The following KCNC2 variants were observed in gnomAD, a reference collection of about 807,000 sequenced individuals.
KCNC2 encodes the protein potassium voltage-gated channel subfamily C member 2.
Under a neutral mutation model 44.5 loss-of-function variants are expected in KCNC2, and 21 were observed. That is an observed-to-expected ratio of 0.47 (90% CI 0.33 to 0.68). KCNC2 has a LOEUF of 0.68. Ranked by LOEUF, KCNC2 falls within the 30% of genes least tolerant of loss-of-function variation. The probability of loss-of-function intolerance (pLI) is 0.01; values close to 1 mark genes in which losing one functional copy is unlikely to be tolerated. For missense variants in KCNC2, 589 were observed against 826.2 expected (o/e 0.71, Z 3.52); for synonymous variants, 391 against 339.1 (o/e 1.15, Z -1.68).
At chr12:75,108,819 G>C (rs80228348) in intron 2 of KCNC2, among the ~76,000 whole-genome samples, 25,195 of 152,136 alleles carry the variant, frequency 0.17, 2,179 homozygotes, top group Middle Eastern at 0.24. Flanking sequence ...GGGCAGTTCA[G>C]CTGAGATTCA....
intron 2 of KCNC2, among the ~76,000 whole-genome samples, chr12:75,157,360 C>T (rs1890833472): frequency 6.6e-6 from 1 of 151,838 alleles, no homozygotes; most frequent in Non-Finnish European, 1.5e-5. Flanking sequence ...CTAAAAGAAT[C>T]ACAGAAACCT....
intron 2 of KCNC2, among the ~76,000 whole-genome samples, chr12:75,172,710 CT>C (rs1301927763): frequency 6.6e-6 from 1 of 151,784 alleles, no homozygotes; most frequent in East Asian, 1.9e-4. Flanking sequence ...AAGAGCTAGC[CT>C]TTTACATCCT....
chr12:75,060,435 C>A (rs754870773), intron 2 of KCNC2, among the ~76,000 whole-genome samples: 4 of 151,946 alleles, frequency 2.6e-5, no homozygotes, highest in African/African-American at 9.7e-5. Flanking sequence ...TGGCTCCCAA[C>A]TACTAGATAA....
At position 75,152,668 on chromosome 12, in the gene KCNC2, A is replaced by G. The variant is rs2137473733; in HGVS notation, c.687+54629T>C. ...TATAACTTACCAGTAAAAATGACTA[A>G]TCGTATGTTCATTTAGGGTGGGAAG... On this transcript the variant is annotated intron_variant, in intron 2 of 4. Transcript: ENST00000549446. Among the ~76,000 whole-genome samples the G allele has an allele frequency of 1.3e-5, 2 of 152,152 alleles. 1 individual carries two copies. Among genetic ancestry groups the G allele is most frequent in the Middle Eastern group, 6.8e-3 (2 of 294 alleles).
In KCNC2 at chr12:75,121,022, A is replaced by G. The variant is rs558143277; in HGVS notation, c.688-69705T>C. 2.8e-4 allele frequency among the ~76,000 whole-genome samples: 42 copies of G among 152,274 alleles called. 1 individual carries two copies. The highest frequency in any genetic ancestry group is 2.6e-3 in the Admixed American group (40 of 15,292). On this transcript the variant is annotated intron_variant, in intron 2 of 4. Coordinates refer to ENST00000549446, the MANE Select transcript of KCNC2 (RefSeq NM_139137.4). ...CACCATTTGCACAGTGTCTGTATACAGCTCTCTCTGGACCACGGTATCCAT... is the reference window on the plus strand; with the variant it reads ...CACCATTTGCACAGTGTCTGTATACGGCTCTCTCTGGACCACGGTATCCAT...
intron 2 of KCNC2, among the ~76,000 whole-genome samples, chr12:75,133,039 T>A (rs541590255): frequency 2.6e-5 from 4 of 152,162 alleles, no homozygotes; most frequent in Admixed American, 2.0e-4. Context: ...TAAAGACAGA[T>A]AAAGTGACTA....
At position 75,181,470 on chromosome 12, in the gene KCNC2, C is replaced by G. The variant is rs11180392; in HGVS notation, c.687+25827G>C. Among the ~76,000 whole-genome samples the G allele has an allele frequency of 6.6e-5, 10 of 152,196 alleles. No homozygotes were observed. The East Asian group carries it at 1.9e-3, about 29-fold the overall frequency. On this transcript the variant is annotated intron_variant, in intron 2 of 4. Transcript: ENST00000549446. ...CTTTTAGCTTTGCCTTTGATTTCTT[C>G]CTCCTACTACTAAGTATACCGCACC...
At chr12:75,077,074 G>T (rs559329221) in intron 2 of KCNC2, among the ~76,000 whole-genome samples, 2 of 152,240 alleles carry the variant, frequency 1.3e-5, no homozygotes, top group Non-Finnish European at 2.9e-5. Context: ...CAGTAAAGCA[G>T]ATTAACATAT....
intron 2 of KCNC2, among the ~76,000 whole-genome samples, chr12:75,091,515 C>T (rs537029326): frequency 6.6e-6 from 1 of 151,804 alleles, no homozygotes; most frequent in Non-Finnish European, 1.5e-5. Context: ...GGTTTGTCCA[C>T]TGGGGAGCTT....
rs536399570 is a variant in KCNC2 at position 75,180,591 on chromosome 12, C to T, written c.687+26706G>A. 7.3e-5 allele frequency among the ~76,000 whole-genome samples: 11 copies of T among 151,614 alleles called. No homozygotes were observed. The South Asian group carries it at 1.3e-3, about 17-fold the overall frequency. On this transcript the variant is annotated intron_variant, in intron 2 of 4. Coordinates refer to ENST00000549446, the MANE Select transcript of KCNC2 (RefSeq NM_139137.4). ...TAAATTATGTCTAACAGGTTAAATC[C>T]TACCTGATTTTGGTAGATCAATATT... is the stretch of plus-strand genomic sequence containing the variant.
intron 2 of KCNC2, among the ~76,000 whole-genome samples, chr12:75,142,808 T>C (rs721750): frequency 0.15 from 23,001 of 152,114 alleles, 2,075 homozygotes; most frequent in Middle Eastern, 0.27. Context: ...AGCTAGGTTG[T>C]CTTTTATGAC....
chr12:75,050,442 C>T lies in KCNC2; in HGVS notation c.1563G>A (p.Gln521=). The T allele has an allele frequency of 6.2e-7, 1 of 1,613,490 alleles. No homozygotes were observed. The change falls in exon 3 of 5, where the codon CAG becomes CAA. Residue 521 remains glutamine, a synonymous_variant. Coordinates refer to ENST00000549446, the MANE Select transcript of KCNC2 (RefSeq NM_139137.4). ...TELNMACNST[Q]SDTCLGKDNR... is the part of the protein sequence containing the mutation. Reference sequence around the variant, plus strand: ...TGTCTTTGCCCAGACATGTGTCACTCTGTGTACTATTGCAGGCCATATTTA... The same window carrying T: ...TGTCTTTGCCCAGACATGTGTCACTTTGTGTACTATTGCAGGCCATATTTA...
rs566152381 is a variant in KCNC2 at position 75,098,619 on chromosome 12, C to G, written c.688-47302G>C. Reference sequence around the variant, plus strand: ...ACTAAAATTACAGAAATTAGCCAGGCATGGTGGTGGACACCTGTAATCCCA... The same window carrying G: ...ACTAAAATTACAGAAATTAGCCAGGGATGGTGGTGGACACCTGTAATCCCA... On this transcript the variant is annotated intron_variant, in intron 2 of 4. Transcript: ENST00000549446. 7.9e-5 allele frequency among the ~76,000 whole-genome samples: 12 copies of G among 152,096 alleles called. 1 individual carries two copies. In the South Asian group the frequency reaches 2.5e-3, roughly 32 times the overall value.
At chr12:75,162,357 G>T (rs564067728) in intron 2 of KCNC2, among the ~76,000 whole-genome samples, 1 of 151,798 alleles carries the variant, frequency 6.6e-6, no homozygotes, top group Admixed American at 6.6e-5. Flanking sequence ...AAATGGGCAG[G>T]GTTGTTGCTT....
At chr12:75,192,756 A>T (rs2030405126) in intron 2 of KCNC2, among the ~76,000 whole-genome samples, 1 of 152,234 alleles carries the variant, frequency 6.6e-6, no homozygotes, top group Non-Finnish European at 1.5e-5. Flanking sequence ...GTGGGGAAGA[A>T]TCATAGAGAA....
At chr12:75,049,128 A>G (rs1476517127) in intron 3 of KCNC2, among the ~76,000 whole-genome samples, 2 of 152,182 alleles carry the variant, frequency 1.3e-5, no homozygotes, top group Non-Finnish European at 2.9e-5. Context: ...GATATATATT[A>G]GAAGAATTTG....
chr12:75,107,951 A>T (rs1886923593), intron 2 of KCNC2, among the ~76,000 whole-genome samples: 3 of 152,208 alleles, frequency 2.0e-5, no homozygotes, highest in Admixed American at 1.3e-4. Flanking sequence ...AAGACTTTTA[A>T]AAAAGAGGGA....
At chr12:75,108,737 C>T (rs1042540692) in intron 2 of KCNC2, among the ~76,000 whole-genome samples, 1 of 152,140 alleles carries the variant, frequency 6.6e-6, no homozygotes, top group African/African-American at 2.4e-5. Context: ...AATATGTTTT[C>T]ATGAATCCCG....
intron 2 of KCNC2, among the ~76,000 whole-genome samples, chr12:75,072,634 T>C (rs1039348150): frequency 2.0e-5 from 3 of 151,916 alleles, no homozygotes; most frequent in Non-Finnish European, 4.4e-5. Context: ...GTAAGTCCCA[T>C]ATAAAAAAAA....
Sources: allele counts gnomAD v4.1 joint callset (sites outside exome capture counted in the v4.1 genomes callset), GRCh38; gene constraint gnomAD v4.1.1; transcripts MANE v1.5; gene names NCBI Gene and HGNC (gene_info 2026-07-23, HGNC 2026-07-21).